The following YIPF5 variants were observed in gnomAD, a reference collection of about 807,000 sequenced individuals.
The protein encoded by YIPF5 is Yip1 domain family member 5.
Under a neutral mutation model 30.4 loss-of-function variants are expected in YIPF5, and 8 were observed. The ratio of observed to expected loss-of-function variants is 0.26; its 90% CI spans 0.15 to 0.47. The LOEUF is 0.47. YIPF5 is among the 20% of genes least tolerant of loss of function. YIPF5 has a pLI of 0.99. For synonymous variants in YIPF5, 104 were observed against 107.9 expected, an observed-to-expected ratio of 0.96 and a Z score of 0.23; for missense variants, 282 against 301.8, an observed-to-expected ratio of 0.93 and a Z score of 0.49.
intron 1 of YIPF5, 28 bp from the exon 2 acceptor site, chr5:144,169,993 T>C (rs1752323642): frequency 1.9e-6 from 3 of 1,556,200 alleles, no homozygotes; most frequent in Non-Finnish European, 2.7e-6. Flanking sequence ...TGGCAAATAT[T>C]CCTTATGCCC....
At position 144,159,861 on chromosome 5, in the gene YIPF5, C is replaced by T; in HGVS notation, c.*536G>A. 1 of 559,430 alleles carries T rather than the reference C, an allele frequency of 1.8e-6. No homozygotes were observed. Among genetic ancestry groups the T allele is most frequent in the Non-Finnish European group, 2.2e-6 (1 of 449,774 alleles). The allele number at this position is 559,430 out of a possible 1,614,324, so 34.7% of individuals were successfully genotyped here. On this transcript the variant is annotated 3_prime_UTR_variant, in exon 6 of 6. Transcript: ENST00000274496. Reference sequence around the variant, plus strand: ...AGCTGGGACTACAGGCGCCCGCCACCACGCCCAGCTAATTTTTTTTGTAGT... The same window carrying T: ...AGCTGGGACTACAGGCGCCCGCCACTACGCCCAGCTAATTTTTTTTGTAGT...
rs1420343040 is a variant in YIPF5 at position 144,159,778 on chromosome 5, G to A, written c.*619C>T. The A allele has an allele frequency of 2.1e-5, 16 of 747,332 alleles. No homozygotes were observed. Among genetic ancestry groups the A allele is most frequent in the South Asian group, 6.2e-5 (1 of 16,160 alleles). The allele number at this position is 747,332 out of a possible 1,614,324, so 46.3% of individuals were successfully genotyped here. ...GGATGGAGTGCAGTGGTGTGATCTC[G>A]GCTCACTGCAAGCTCCGCCTCCTGG... On this transcript the variant is annotated 3_prime_UTR_variant, in exon 6 of 6. Coordinates refer to ENST00000274496, the MANE Select transcript of YIPF5 (RefSeq NM_030799.9).
Position 144,159,442 on chromosome 5 carries a change from T to TTATG in YIPF5, c.*954_*955insCATA, listed in dbSNP as rs1276878756. 2.0e-6 allele frequency: 2 copies of TTATG among 985,364 alleles called. No individual in the cohort carries two copies. Among genetic ancestry groups the TTATG allele is most frequent in the East Asian group, 2.3e-4 (2 of 8,812 alleles). The allele number at this position is 985,364 out of a possible 1,614,324, so 61.0% of individuals were successfully genotyped here. A position where few individuals can be genotyped will look rare whatever the true frequency, so the allele number is the denominator to read the frequency against. On this transcript the variant is annotated 3_prime_UTR_variant, in exon 6 of 6. Transcript: ENST00000274496. ...ATAGCATTAATGCAACCATTCCAGG[T>TTATG]CCCTAAGGTTGAGTTAACATTAATA...
chr5:144,160,064 T>C lies in YIPF5; in HGVS notation c.*333A>G, dbSNP rs528000894. 7 of 1,010,394 alleles carry C rather than the reference T, an allele frequency of 6.9e-6. No individual in the cohort carries two copies. In the Admixed American group the frequency reaches 1.7e-4, roughly 25 times the overall value. 62.6% of individuals were successfully genotyped at this position (1,010,394 alleles called of 1,614,324 possible). ...TTTTTAAGAAAGGTTATCAGCTTTG[T>C]GTTTGGTTTCCCACAGTTGATAAAA... is the stretch of plus-strand genomic sequence containing the variant. On this transcript the variant is annotated 3_prime_UTR_variant, in exon 6 of 6. Coordinates refer to ENST00000274496, the MANE Select transcript of YIPF5 (RefSeq NM_030799.9).
At position 144,166,368 on chromosome 5, in the gene YIPF5, G is replaced by A. The variant is rs149403719; in HGVS notation, c.111-764C>T. Among the ~76,000 whole-genome samples the A allele has an allele frequency of 2.4e-3, 369 of 152,300 alleles. 2 individuals carry two copies. Among genetic ancestry groups the A allele is most frequent in the African/African-American group, 8.5e-3 (355 of 41,572 alleles). ...TAGCAAGAGGGAAGAGGATACTGAA[G>A]CCACATCTTTACGCATCTGTTCCAT... is the stretch of plus-strand genomic sequence containing the variant. On this transcript the variant is annotated intron_variant, in intron 2 of 5. Transcript: ENST00000274496.
chr5:144,160,016 T>A lies in YIPF5; in HGVS notation c.*381A>T, dbSNP rs939292031. ...AGCTACCACGCCCGGCCGTCTTGTG[T>A]CTTCTTTACTGTGACTGGGTCGTTT... On this transcript the variant is annotated 3_prime_UTR_variant, in exon 6 of 6. Transcript: ENST00000274496. 1.0e-6 allele frequency: 1 copy of A among 990,330 alleles called. No homozygotes were observed. The highest frequency in any genetic ancestry group is 1.7e-5 in the African/African-American group (1 of 57,322). 61.3% of individuals were successfully genotyped at this position (990,330 alleles called of 1,614,324 possible).
chr5:144,160,734 A>G (rs1752015314), intron 5 of YIPF5, among the ~76,000 whole-genome samples, 175 bp from the exon 6 acceptor site: 1 of 152,234 alleles, frequency 6.6e-6, no homozygotes, highest in Admixed American at 6.5e-5. Context: ...TGTACCTCAC[A>G]GTAAATTCAA....
In YIPF5 at chr5:144,170,587, C is replaced by T. The variant is rs375214471; in HGVS notation, c.-63G>A. 6.5e-6 allele frequency: 1 copy of T among 153,094 alleles called. No homozygotes were observed. Among genetic ancestry groups the T allele is most frequent in the Non-Finnish European group, 1.5e-5 (1 of 68,752 alleles). The allele number at this position is 153,094 out of a possible 1,614,324, so 9.5% of individuals were successfully genotyped here. A position where few individuals can be genotyped will look rare whatever the true frequency, so the allele number is the denominator to read the frequency against. On this transcript the variant is annotated 5_prime_UTR_variant, in exon 1 of 6. Coordinates refer to ENST00000274496, the MANE Select transcript of YIPF5 (RefSeq NM_030799.9). ...AGGCAGTAGCTTCACTAATCCCAAA[C>T]AACCCCCAAACTCTGTTTCAGACCC...
chr5:144,169,721 T>C, intron 2 of YIPF5, 125 bp downstream of exon 2: 1 of 763,364 alleles, frequency 1.3e-6, no homozygotes, highest in South Asian at 1.8e-5. Context: ...AAGAAGATTA[T>C]GCATGAAAGA....
intron 4 of YIPF5, 200 bp downstream of exon 4, chr5:144,163,911 G>T: frequency 2.1e-6 from 1 of 470,856 alleles, no homozygotes; most frequent in Non-Finnish European, 3.4e-6. Flanking sequence ...CTTAGAAAAA[G>T]AAATGATTTT....
At chr5:144,165,299 A>C (rs1465077187) in intron 3 of YIPF5, 133 bp downstream of exon 3, 1 of 1,184,786 alleles carries the variant, frequency 8.4e-7, no homozygotes, top group Non-Finnish European at 1.2e-6. Flanking sequence ...GTTTAAAATG[A>C]GTTGTTTAGC....
Position 144,159,510 on chromosome 5 carries a change from T to G in YIPF5, c.*887A>C. On this transcript the variant is annotated 3_prime_UTR_variant, in exon 6 of 6. Transcript: ENST00000274496. ...ATTTCATGTCTACAATAAGGTAGAT[T>G]GTGAACTTCCCGTATCTCTGAATTT... The G allele has an allele frequency of 1.0e-6, 1 of 985,388 alleles. No individual in the cohort carries two copies. The highest frequency in any genetic ancestry group is 1.2e-6 in the Non-Finnish European group (1 of 829,926). 61.0% of individuals were successfully genotyped at this position (985,388 alleles called of 1,614,324 possible).
Position 144,159,450 on chromosome 5 carries a change from GT to G in YIPF5, c.*946del. The G allele has an allele frequency of 7.1e-6, 7 of 985,260 alleles. No individual in the cohort carries two copies. Among genetic ancestry groups the G allele is most frequent in the Non-Finnish European group, 7.2e-6 (6 of 829,868 alleles). 61.0% of individuals were successfully genotyped at this position (985,260 alleles called of 1,614,324 possible). ...AATGCAACCATTCCAGGTCCCTAAG[GT>G]TGAGTTAACATTAATATGTAAGTAA... On this transcript the variant is annotated 3_prime_UTR_variant, in exon 6 of 6. Transcript: ENST00000274496.
chr5:144,164,507 C>T (rs961791990), intron 3 of YIPF5, among the ~76,000 whole-genome samples: 23 of 152,046 alleles, frequency 1.5e-4, no homozygotes, highest in African/African-American at 4.8e-4. Context: ...CTGCCTCAGC[C>T]TCGTGAGTAG....
intron 1 of YIPF5, chr5:144,170,203 C>G (rs1752333877): frequency 4.0e-6 from 2 of 501,046 alleles, no homozygotes; most frequent in African/African-American, 3.9e-5. Flanking sequence ...GCTGATATGC[C>G]TTCCATTAGG....
At chr5:144,167,487 G>A (rs1255883632) in intron 2 of YIPF5, among the ~76,000 whole-genome samples, 2 of 151,906 alleles carry the variant, frequency 1.3e-5, no homozygotes, top group Admixed American at 6.6e-5. Flanking sequence ...GATACTACCA[G>A]GTAAGTCAAA....
In YIPF5 at chr5:144,159,803, G is replaced by T; in HGVS notation, c.*594C>A. 1 of 604,970 alleles carries T rather than the reference G, an allele frequency of 1.7e-6. No individual in the cohort carries two copies. The highest frequency in any genetic ancestry group is 2.0e-6 in the Non-Finnish European group (1 of 505,342). 37.5% of individuals were successfully genotyped at this position (604,970 alleles called of 1,614,324 possible). A position where few individuals can be genotyped will look rare whatever the true frequency, so the allele number is the denominator to read the frequency against. The stretch of plus-strand genomic sequence containing the variant: ...GGCTCACTGCAAGCTCCGCCTCCTG[G>T]GTTCACACTTCTCCTGCCTCAGCCT... On this transcript the variant is annotated 3_prime_UTR_variant, in exon 6 of 6. Transcript: ENST00000274496.
At chr5:144,164,309 T>C (rs1728638177) in intron 3 of YIPF5, 53 bp from the exon 4 acceptor site, 1 of 1,509,402 alleles carries the variant, frequency 6.6e-7, no homozygotes, top group African/African-American at 1.4e-5. Flanking sequence ...GTATTTTTAA[T>C]TCATCAAAAT....
chr5:144,160,972 T>A (rs991532425), intron 5 of YIPF5, among the ~76,000 whole-genome samples: 15 of 152,146 alleles, frequency 9.9e-5, no homozygotes, highest in Admixed American at 7.9e-4. Flanking sequence ...AATGTCCCCT[T>A]GGAGGCAAAA....
Sources: allele counts gnomAD v4.1 joint callset (sites outside exome capture counted in the v4.1 genomes callset), GRCh38; gene constraint gnomAD v4.1.1; transcripts MANE v1.5; gene names NCBI Gene and HGNC (gene_info 2026-07-23, HGNC 2026-07-21).